Variants in CA10 observed in about 807,000 individuals in gnomAD.
CA10 encodes carbonic anhydrase-related protein 10.
CA10 carries 14 observed loss-of-function variants against 44.2 expected under a neutral mutation model. That is an observed-to-expected ratio of 0.32 (90% CI 0.21 to 0.50). The LOEUF (loss-of-function observed/expected upper bound fraction) is 0.50, where lower values mean the gene tolerates loss of function less well. CA10 is among the 20% of genes least tolerant of loss of function. The pLI is 0.99. For synonymous variants in CA10, 159 were observed against 141.6 expected (o/e 1.12, Z -0.87); for missense variants, 350 against 409.7 (o/e 0.85, Z 1.26).
chr17:51,849,936 A>G (rs968309217), intron 3 of CA10, among the ~76,000 whole-genome samples: 5 of 152,228 alleles, frequency 3.3e-5, no homozygotes, highest in Admixed American at 6.5e-5. Flanking sequence ...AGACAGTCAC[A>G]GAAGGATTGG....
At chr17:51,910,737 G>T (rs1422781654) in intron 3 of CA10, among the ~76,000 whole-genome samples, 1 of 152,112 alleles carries the variant, frequency 6.6e-6, no homozygotes, top group African/African-American at 2.4e-5. Context: ...TAGCAATTAG[G>T]GTTAAAGAAA....
intron 3 of CA10, among the ~76,000 whole-genome samples, chr17:51,877,757 T>C (rs953016252): frequency 6.6e-6 from 1 of 152,154 alleles, no homozygotes; most frequent in Non-Finnish European, 1.5e-5. Flanking sequence ...GGTCAGTGTA[T>C]AGAAGGTCTT....
At chr17:51,934,379 C>T (rs1982782389) in intron 2 of CA10, among the ~76,000 whole-genome samples, 1 of 152,204 alleles carries the variant, frequency 6.6e-6, no homozygotes, top group South Asian at 2.1e-4. Flanking sequence ...CCCTTCCTCT[C>T]CAGCAGGCTC....
At chr17:51,908,348 G>A (rs770710218) in intron 3 of CA10, among the ~76,000 whole-genome samples, 60 of 152,146 alleles carry the variant, frequency 3.9e-4, no homozygotes, top group Non-Finnish European at 7.9e-4. Flanking sequence ...TCAGCCTGAG[G>A]TTTCCATCTG....
intron 1 of CA10, among the ~76,000 whole-genome samples, chr17:52,077,027 A>T (rs1222925471): frequency 6.6e-6 from 1 of 152,220 alleles, no homozygotes; most frequent in African/African-American, 2.4e-5. Context: ...AGAGGAAAAG[A>T]TATACATAGC....
chr17:51,961,299 A>G (rs1197013040), intron 2 of CA10, among the ~76,000 whole-genome samples: 3 of 152,158 alleles, frequency 2.0e-5, no homozygotes, highest in Admixed American at 1.3e-4. Context: ...AGCTTTAGAG[A>G]AAAAAGTTGT....
chr17:51,732,738 A>T (rs1360873589), intron 4 of CA10, among the ~76,000 whole-genome samples: 2 of 152,194 alleles, frequency 1.3e-5, no homozygotes, highest in African/African-American at 4.8e-5. Context: ...AGAATGTGGA[A>T]TTGGGATAAA....
intron 4 of CA10, among the ~76,000 whole-genome samples, chr17:51,693,415 G>A (rs1597989685): frequency 6.6e-6 from 1 of 152,154 alleles, no homozygotes; most frequent in South Asian, 2.1e-4. Context: ...ATGATGCTGA[G>A]TTTGGGGTAT....
chr17:51,790,658 A>AAT (rs1196598112), intron 3 of CA10, among the ~76,000 whole-genome samples: 1 of 152,190 alleles, frequency 6.6e-6, no homozygotes, highest in Non-Finnish European at 1.5e-5. Flanking sequence ...TGGAATAAAA[A>AAT]ATATATTGGT....
chr17:51,763,706 C>T (rs1259044676), intron 3 of CA10, among the ~76,000 whole-genome samples: 1 of 152,152 alleles, frequency 6.6e-6, no homozygotes, highest in Admixed American at 6.5e-5. Flanking sequence ...ATGCTCACAG[C>T]AAAACTTATT....
chr17:51,924,083 T>C (rs541092831), intron 3 of CA10, among the ~76,000 whole-genome samples: 24 of 152,188 alleles, frequency 1.6e-4, no homozygotes, highest in Non-Finnish European at 3.4e-4. Flanking sequence ...AAAATAAATA[T>C]AAGTAAGGTG....
chr17:51,680,937 G>A (rs957817067), intron 4 of CA10, among the ~76,000 whole-genome samples: 5 of 152,172 alleles, frequency 3.3e-5, no homozygotes, highest in African/African-American at 4.8e-5. Context: ...TTCCCAGAGA[G>A]CCAGAATGCC....
chr17:51,666,842 A>G (rs911155674), intron 4 of CA10, among the ~76,000 whole-genome samples: 15 of 152,230 alleles, frequency 9.9e-5, no homozygotes, highest in Non-Finnish European at 2.2e-4. Flanking sequence ...GCTTCTGAAA[A>G]ATTGGGAAAA....
chr17:51,736,394 C>T (rs754281490), intron 4 of CA10, among the ~76,000 whole-genome samples: 17 of 151,520 alleles, frequency 1.1e-4, no homozygotes, highest in Non-Finnish European at 2.2e-4. Flanking sequence ...TCCGGGATGA[C>T]CATTTGAGTC....
intron 4 of CA10, among the ~76,000 whole-genome samples, chr17:51,715,165 A>G (rs567161967): frequency 1.3e-4 from 19 of 151,974 alleles, no homozygotes; most frequent in Non-Finnish European, 8.8e-5. Flanking sequence ...GAATTGAACA[A>G]TGAGAACACA....
At chr17:51,678,696 A>G (rs1211254937) in intron 4 of CA10, among the ~76,000 whole-genome samples, 1 of 152,224 alleles carries the variant, frequency 6.6e-6, no homozygotes, top group Admixed American at 6.5e-5. Flanking sequence ...GAATGGTGTA[A>G]TGCAGTCAAG....
At chr17:51,950,942 A>T (rs1463977257) in intron 2 of CA10, among the ~76,000 whole-genome samples, 1 of 152,152 alleles carries the variant, frequency 6.6e-6, no homozygotes, top group Non-Finnish European at 1.5e-5. Context: ...GCACCCAGGT[A>T]CCTGCCAAAT....
intron 3 of CA10, among the ~76,000 whole-genome samples, chr17:51,919,580 T>A (rs532612060): frequency 6.6e-6 from 1 of 152,254 alleles, no homozygotes; most frequent in Non-Finnish European, 1.5e-5. Context: ...ATTATGTGAA[T>A]AACACATTTT....
intron 3 of CA10, among the ~76,000 whole-genome samples, chr17:51,752,636 A>G (rs913473529): frequency 6.6e-6 from 1 of 152,082 alleles, no homozygotes; most frequent in African/African-American, 2.4e-5. Context: ...TTAAAAAAAA[A>G]TACTTTGGGG....
Sources: gnomAD v4.1 joint callset for allele counts (sites outside exome capture counted in the v4.1 genomes callset) on GRCh38, gnomAD v4.1.1 for gene constraint, MANE v1.5 for transcripts, NCBI Gene and HGNC (gene_info 2026-07-23, HGNC 2026-07-21) for gene names.